The following LRP11 variants were observed in gnomAD, a reference collection of about 807,000 sequenced individuals.
LRP11 encodes the protein low-density lipoprotein receptor-related protein 11.
Under a neutral mutation model 43.1 loss-of-function variants are expected in LRP11, and 25 were observed. That is an observed-to-expected ratio of 0.58 (90% confidence interval 0.42 to 0.81). The LOEUF is 0.81. LRP11 is among the 30% of genes least tolerant of loss of function. LRP11 has a pLI of 0.00. For synonymous variants in LRP11, 316 were observed against 299.4 expected, an observed-to-expected ratio of 1.06 and a Z score of -0.57; for missense variants, 623 against 665.1, an observed-to-expected ratio of 0.94 and a Z score of 0.70.
intron 6 of LRP11, among the ~76,000 whole-genome samples, chr6:149,820,928 CTTTTTTTT>C (rs11399122): frequency 2.6e-5 from 3 of 116,494 alleles, no homozygotes; most frequent in Non-Finnish European, 5.2e-5. Context: ...CAAACCTAGA[CTTTTTTTT>C]TTTTTTTTTT....
intron 2 of LRP11, among the ~76,000 whole-genome samples, chr6:149,844,532 C>T (rs1475442550): frequency 2.0e-5 from 3 of 152,332 alleles, no homozygotes; most frequent in South Asian, 2.1e-4. Flanking sequence ...TTGGGAGTCA[C>T]TGCTGGACAG....
intron 3 of LRP11, 151 bp from the exon 4 acceptor site, chr6:149,837,614 C>T: frequency 1.3e-6 from 1 of 792,480 alleles, no homozygotes; most frequent in Non-Finnish European, 2.0e-6. Flanking sequence ...GCAACAGGTT[C>T]TGGAGAGGTT....
At chr6:149,842,083 G>A (rs559372311) in intron 3 of LRP11, among the ~76,000 whole-genome samples, 1 of 152,240 alleles carries the variant, frequency 6.6e-6, no homozygotes, top group South Asian at 2.1e-4. Context: ...TGTGTAGGTA[G>A]CACTTTCAAA....
chr6:149,839,721 C>T (rs957487634), intron 3 of LRP11, among the ~76,000 whole-genome samples: 18 of 152,164 alleles, frequency 1.2e-4, no homozygotes, highest in Admixed American at 3.9e-4. Flanking sequence ...GTGGCACAAT[C>T]TCAGCTCACT....
intron 2 of LRP11, among the ~76,000 whole-genome samples, chr6:149,850,152 GC>G (rs1189660909): frequency 1.3e-5 from 2 of 152,204 alleles, no homozygotes; most frequent in Non-Finnish European, 2.9e-5. Flanking sequence ...AGGAACAAGG[GC>G]ATCCAATAAC....
At chr6:149,863,357 T>C (rs1479055085) in intron 1 of LRP11, 51 bp downstream of exon 1, 5 of 1,303,794 alleles carry the variant, frequency 3.8e-6, no homozygotes, top group East Asian at 5.8e-5. Context: ...GCGAGGGCGC[T>C]GCGGGTCTCG....
chr6:149,820,865 G>A (rs540396324), intron 6 of LRP11, among the ~76,000 whole-genome samples, 162 bp from the exon 7 acceptor site: 1 of 150,850 alleles, frequency 6.6e-6, no homozygotes, highest in Admixed American at 6.6e-5. Context: ...GTGTACCAAG[G>A]TTAAGTAATT....
chr6:149,831,527 C>G lies in LRP11; in HGVS notation c.1252+4558G>C, dbSNP rs9478156. On this transcript the variant is annotated intron_variant, in intron 5 of 6. Transcript: ENST00000239367. Reference sequence around the variant, plus strand: ...TGAGCAAACACAGGCCACACTGGAGCTCTGTGCTCCTCCTGCCCGGTGGCT... The same window carrying G: ...TGAGCAAACACAGGCCACACTGGAGGTCTGTGCTCCTCCTGCCCGGTGGCT... 5.0e-3 allele frequency among the ~76,000 whole-genome samples: 765 copies of G among 152,370 alleles called. 4 individuals carry two copies. The highest frequency in any genetic ancestry group is 0.018 in the African/African-American group (737 of 41,594).
At chr6:149,837,206 C>G (rs1023039707) in intron 4 of LRP11, 132 bp downstream of exon 4, 3 of 970,566 alleles carry the variant, frequency 3.1e-6, no homozygotes, top group Admixed American at 2.7e-5. Flanking sequence ...TAAGGCATAG[C>G]TTTTACATGT....
In LRP11 at chr6:149,826,251, G is replaced by A. The variant is rs1290847473; in HGVS notation, c.1348+13C>T. 5.0e-6 allele frequency: 8 copies of A among 1,596,766 alleles called. No homozygotes were observed. The highest frequency in any genetic ancestry group is 3.3e-5 in the South Asian group (3 of 90,748). ...ACTACAGTCTGCAAAGGGTTTCCAA[G>A]GTGGACATTTACCTGTTTCTGGGGC... On this transcript the variant is annotated intron_variant, in intron 6 of 6. Transcript: ENST00000239367.
chr6:149,857,497 C>T (rs1776817331), intron 1 of LRP11, among the ~76,000 whole-genome samples: 2 of 148,396 alleles, frequency 1.3e-5, no homozygotes, highest in Non-Finnish European at 3.0e-5. Context: ...AAAGTGAGTC[C>T]CTGTGTCAAA....
At chr6:149,837,810 T>C (rs1270677512) in intron 3 of LRP11, among the ~76,000 whole-genome samples, 2 of 152,114 alleles carry the variant, frequency 1.3e-5, no homozygotes, top group Admixed American at 6.6e-5. Context: ...ATAGAAACCA[T>C]TGTTGGAACC....
In LRP11 at chr6:149,837,402, G is replaced by T. The variant is rs1776487828; in HGVS notation, c.975C>A (p.Ile325=). 2 of 1,614,118 alleles carry T rather than the reference G, an allele frequency of 1.2e-6. No individual in the cohort carries two copies. Among genetic ancestry groups the T allele is most frequent in the African/African-American group, 2.7e-5 (2 of 75,012 alleles). Residue 325 remains isoleucine, a synonymous_variant, in exon 4 of 7, where the codon ATC becomes ATA. Transcript: ENST00000239367. ...GCTGCACTCCATCGCAGGCGAGCGT[G>T]ATGTCAATGCAGCAGCCATCGTCAC... is the stretch of plus-strand genomic sequence containing the variant. ...FFCDDGCCID[I]TLACDGVQQC... is the part of the protein sequence containing the mutation.
chr6:149,825,636 C>T (rs1487284455), intron 6 of LRP11, among the ~76,000 whole-genome samples: 2 of 150,704 alleles, frequency 1.3e-5, no homozygotes, highest in Non-Finnish European at 2.9e-5. Flanking sequence ...CAAGGTCATA[C>T]AGTTTAGTGG....
chr6:149,842,407 A>C, intron 3 of LRP11: 1 of 548,834 alleles, frequency 1.8e-6, no homozygotes, highest in East Asian at 3.0e-5. Context: ...TGTGATGACA[A>C]CATTTAAAAC....
intron 3 of LRP11, among the ~76,000 whole-genome samples, chr6:149,838,431 A>G (rs1776501005): frequency 2.6e-5 from 4 of 151,328 alleles, no homozygotes; most frequent in African/African-American, 9.7e-5. Flanking sequence ...CACACCTGTA[A>G]TCCCAGCACT....
chr6:149,856,090 T>G (rs752360463), intron 1 of LRP11, among the ~76,000 whole-genome samples: 92 of 152,112 alleles, frequency 6.0e-4, no homozygotes, highest in Non-Finnish European at 9.4e-4. Flanking sequence ...AGTTATACAT[T>G]ACAGCTAGCA....
chr6:149,835,704 C>T (rs1023787877), intron 5 of LRP11, among the ~76,000 whole-genome samples: 2 of 152,174 alleles, frequency 1.3e-5, no homozygotes, highest in Non-Finnish European at 2.9e-5. Context: ...ACATGCATCT[C>T]TTTCAAGACA....
intron 5 of LRP11, among the ~76,000 whole-genome samples, chr6:149,830,342 G>A (rs188764525): frequency 9.8e-4 from 149 of 152,290 alleles, no homozygotes; most frequent in African/African-American, 3.6e-3. Context: ...GTAAGGAAAT[G>A]AAGTTTAGAG....
Sources: gnomAD v4.1 joint callset for allele counts (sites outside exome capture counted in the v4.1 genomes callset) on GRCh38, gnomAD v4.1.1 for gene constraint, MANE v1.5 for transcripts, NCBI Gene and HGNC (gene_info 2026-07-23, HGNC 2026-07-21) for gene names.